CIRSR: variants seen among roughly 807,000 people sequenced by gnomAD.
CIRSR encodes the protein corepressor of RBPJ and splicing regulator, also known as CBF1 (RBPJ) interacting corepressor 1.
chr2:174,371,253 T>C, the CIRSR span, among the ~76,000 whole-genome samples: 2 of 152,202 alleles, frequency 1.3e-5, no homozygotes, highest in African/African-American at 4.8e-5. Context: ...ATGCTTCAAA[T>C]AGGTAAATTG....
chr2:174,381,876 A>T, the CIRSR span: 1 of 788,750 alleles, frequency 1.3e-6, no homozygotes, highest in East Asian at 2.7e-5. Flanking sequence ...GAATTAAGAT[A>T]AAATATTTTT....
At chr2:174,353,475 T>G in the CIRSR span, among the ~76,000 whole-genome samples, 1 of 152,142 alleles carries the variant, frequency 6.6e-6, no homozygotes, top group Non-Finnish European at 1.5e-5. Flanking sequence ...GCTTTTTGTG[T>G]GTGTGTGTGT....
At chr2:174,356,560 A>AAAGG in the CIRSR span, among the ~76,000 whole-genome samples, 3 of 143,248 alleles carry the variant, frequency 2.1e-5, no homozygotes, top group Admixed American at 7.2e-5. Context: ...GGAAAGGAAG[A>AAAGG]AAGAAAGGAG....
At chr2:174,388,912 T>C in the CIRSR span, among the ~76,000 whole-genome samples, 1 of 152,076 alleles carries the variant, frequency 6.6e-6, no homozygotes, top group Non-Finnish European at 1.5e-5. Context: ...GATCTGATGG[T>C]TTTATAAGGG....
At chr2:174,369,421 A>G in the CIRSR span, among the ~76,000 whole-genome samples, 1 of 152,226 alleles carries the variant, frequency 6.6e-6, no homozygotes, top group Non-Finnish European at 1.5e-5. Flanking sequence ...ATCAGCAGTA[A>G]GGCTGTTTCA....
chr2:174,380,871 A>G, the CIRSR span: 10 of 1,417,624 alleles, frequency 7.1e-6, no homozygotes, highest in Admixed American at 1.9e-5. Flanking sequence ...AAAAACTTCA[A>G]TATAAAAATC....
chr2:174,387,066 T>G, the CIRSR span, among the ~76,000 whole-genome samples: 2 of 152,172 alleles, frequency 1.3e-5, no homozygotes, highest in African/African-American at 2.4e-5. Context: ...CTCAATATAT[T>G]ATATTTTAAA....
At chr2:174,390,204 T>A in the CIRSR span, among the ~76,000 whole-genome samples, 2 of 152,168 alleles carry the variant, frequency 1.3e-5, no homozygotes, top group Admixed American at 1.3e-4. Flanking sequence ...AGGAGAGGGG[T>A]TATACCCTGC....
the CIRSR span, chr2:174,380,340 T>A: frequency 1.1e-6 from 1 of 903,140 alleles, no homozygotes; most frequent in Non-Finnish European, 1.7e-6. Flanking sequence ...TTTACAGTTC[T>A]AAGAACATTA....
chr2:174,394,064 G>T, the CIRSR span, among the ~76,000 whole-genome samples: 1 of 152,190 alleles, frequency 6.6e-6, no homozygotes, highest in Non-Finnish European at 1.5e-5. Flanking sequence ...ACTTTACACA[G>T]ATGAGAAGAA....
the CIRSR span, among the ~76,000 whole-genome samples, chr2:174,369,774 C>T: frequency 6.6e-6 from 1 of 152,154 alleles, no homozygotes. Context: ...AAATGTTTAT[C>T]CATTAAGTTT....
At chr2:174,373,816 A>G in the CIRSR span, among the ~76,000 whole-genome samples, 1 of 75,578 alleles carries the variant, frequency 1.3e-5, no homozygotes, top group Non-Finnish European at 3.1e-5. Context: ...CCTTTTCCTC[A>G]ATACTATCCC....
At chr2:174,364,264 G>A in the CIRSR span, among the ~76,000 whole-genome samples, 16 of 152,280 alleles carry the variant, frequency 1.1e-4, no homozygotes, top group Admixed American at 6.5e-4. Context: ...TCCAGGTCAC[G>A]CTGATACAAG....
the CIRSR span, chr2:174,370,113 G>C: frequency 7.7e-7 from 1 of 1,303,350 alleles, no homozygotes; most frequent in East Asian, 5.3e-5. Flanking sequence ...GTAGAGCTGA[G>C]TTCAACGGCG....
At chr2:174,377,824 CAA>C in the CIRSR span, among the ~76,000 whole-genome samples, 20 of 60,056 alleles carry the variant, frequency 3.3e-4, no homozygotes, top group East Asian at 6.1e-4. Flanking sequence ...GACGCCATCT[CAA>C]AAAAAAAAAA....
chr2:174,380,326 T>C, the CIRSR span: 2 of 1,053,736 alleles, frequency 1.9e-6, no homozygotes, highest in South Asian at 1.6e-5. Flanking sequence ...ATCAGAAAAA[T>C]AGTTTTACAG....
At chr2:174,385,410 A>G in the CIRSR span, among the ~76,000 whole-genome samples, 1 of 152,172 alleles carries the variant, frequency 6.6e-6, no homozygotes, top group African/African-American at 2.4e-5. Context: ...CACTTGGCAA[A>G]TGACCAATTA....
the CIRSR span, among the ~76,000 whole-genome samples, chr2:174,361,826 G>A: frequency 1.3e-5 from 2 of 152,136 alleles, no homozygotes; most frequent in African/African-American, 4.8e-5. Context: ...TTTGTGGTGT[G>A]TCTAGAACTC....
At chr2:174,365,516 C>T in the CIRSR span, among the ~76,000 whole-genome samples, 1 of 152,152 alleles carries the variant, frequency 6.6e-6, no homozygotes, top group East Asian at 1.9e-4. Flanking sequence ...TAAAGCTATA[C>T]CCCAAACTTA....
Sources: allele counts gnomAD v4.1 joint callset (sites outside exome capture counted in the v4.1 genomes callset), GRCh38; gene constraint gnomAD v4.1.1; transcripts MANE v1.5; gene names NCBI Gene and HGNC (gene_info 2026-07-23, HGNC 2026-07-21).